Variants in LYPLAL1 observed in about 807,000 individuals in gnomAD.
LYPLAL1 encodes lysophospholipase-like protein 1.
LYPLAL1 carries 23 observed loss-of-function variants against 19.7 expected under a neutral mutation model. The ratio of observed to expected loss-of-function variants is 1.17; its 90% CI spans 0.84 to 1.65. The LOEUF is 1.65. LYPLAL1 is among the 40% of genes most tolerant of loss of function. The pLI, the probability that LYPLAL1 is intolerant of heterozygous loss-of-function variation, is 0.00. For synonymous variants in LYPLAL1, 119 were observed against 96.3 expected (o/e 1.24, Z -1.38); for missense variants, 355 against 279.4 (o/e 1.27, Z -1.93).
At chr1:219,273,393 A>G in the LYPLAL1 span, 6 of 152,332 alleles carry the variant, frequency 3.9e-5, no homozygotes, top group East Asian at 1.2e-3. Flanking sequence ...CAGAACCCTC[A>G]GTGTGATATA....
the LYPLAL1 span, among the ~76,000 whole-genome samples, chr1:219,300,490 G>A: frequency 1.3e-5 from 2 of 151,086 alleles, no homozygotes; most frequent in Non-Finnish European, 2.9e-5. Flanking sequence ...AGGGAAAAAA[G>A]GGGGGACGCT....
intron 3 of LYPLAL1, 97 bp from the exon 4 acceptor site, chr1:219,210,435 G>A: frequency 1.2e-6 from 1 of 838,554 alleles, no homozygotes; most frequent in Non-Finnish European, 1.8e-6. Flanking sequence ...TCTCTTTAAA[G>A]GTCTCCAGAT....
chr1:219,288,728 A>G, the LYPLAL1 span, among the ~76,000 whole-genome samples: 6 of 152,198 alleles, frequency 3.9e-5, no homozygotes, highest in Admixed American at 1.3e-4. Flanking sequence ...GATGTTGACA[A>G]TGGGGAAGGC....
At chr1:219,304,881 T>A in the LYPLAL1 span, among the ~76,000 whole-genome samples, 1 of 152,192 alleles carries the variant, frequency 6.6e-6, no homozygotes, top group South Asian at 2.1e-4. Flanking sequence ...TGGCTTTCAT[T>A]TTTCCTATCG....
the LYPLAL1 span, among the ~76,000 whole-genome samples, chr1:219,344,631 C>T: frequency 6.6e-5 from 10 of 152,154 alleles, no homozygotes; most frequent in African/African-American, 9.7e-5. Context: ...CCACCCTAAC[C>T]GCTCCAGCTC....
intron 3 of LYPLAL1, among the ~76,000 whole-genome samples, chr1:219,206,519 C>T (rs141427217): frequency 2.6e-5 from 4 of 152,052 alleles, no homozygotes; most frequent in Admixed American, 6.6e-5. Flanking sequence ...TTGTCAAAGA[C>T]GGCTAGTGAG....
the LYPLAL1 span, among the ~76,000 whole-genome samples, chr1:219,219,879 CA>C: frequency 6.6e-6 from 1 of 152,092 alleles, no homozygotes; most frequent in Non-Finnish European, 1.5e-5. Flanking sequence ...GCAGGCCTAG[CA>C]GTCAAATTTA....
intron 1 of LYPLAL1, chr1:219,174,248 C>T: frequency 7.3e-7 from 1 of 1,367,682 alleles, no homozygotes; most frequent in Non-Finnish European, 9.5e-7. Flanking sequence ...AGCCCTCCAT[C>T]CCCACAACAC....
chr1:219,430,257 C>G, the LYPLAL1 span, among the ~76,000 whole-genome samples: 2 of 142,378 alleles, frequency 1.4e-5, no homozygotes, highest in African/African-American at 5.6e-5. Flanking sequence ...ATCTTGCACT[C>G]CAACCTGGGT....
the LYPLAL1 span, among the ~76,000 whole-genome samples, chr1:219,284,517 A>T: frequency 6.6e-6 from 1 of 152,342 alleles, no homozygotes; most frequent in Non-Finnish European, 1.5e-5. Flanking sequence ...ATGTACCTAC[A>T]AAAAGTAAAA....
At chr1:219,320,418 A>G in the LYPLAL1 span, among the ~76,000 whole-genome samples, 30 of 152,092 alleles carry the variant, frequency 2.0e-4, no homozygotes, top group Non-Finnish European at 3.5e-4. Flanking sequence ...CCAAGCAAAC[A>G]GTAAGATCCT....
chr1:219,414,185 C>T, the LYPLAL1 span, among the ~76,000 whole-genome samples: 5 of 152,154 alleles, frequency 3.3e-5, no homozygotes, highest in Non-Finnish European at 7.3e-5. Flanking sequence ...CACTGAATTT[C>T]GGTTTGATTG....
At chr1:219,246,522 C>T in the LYPLAL1 span, among the ~76,000 whole-genome samples, 3 of 152,094 alleles carry the variant, frequency 2.0e-5, no homozygotes, top group African/African-American at 7.2e-5. Flanking sequence ...CTGGAGTGGC[C>T]GACACCAGAA....
chr1:219,178,752 T>C (rs1656021292), intron 1 of LYPLAL1, among the ~76,000 whole-genome samples: 2 of 152,308 alleles, frequency 1.3e-5, no homozygotes, highest in East Asian at 1.9e-4. Flanking sequence ...ACAGTCACTT[T>C]AGGAATTTAT....
At chr1:219,336,985 G>T in the LYPLAL1 span, among the ~76,000 whole-genome samples, 1 of 151,930 alleles carries the variant, frequency 6.6e-6, no homozygotes, top group South Asian at 2.1e-4. Context: ...TTTTCTGAAG[G>T]CTCCAGGGGA....
chr1:219,285,644 T>C, the LYPLAL1 span, among the ~76,000 whole-genome samples: 1 of 152,174 alleles, frequency 6.6e-6, no homozygotes, highest in African/African-American at 2.4e-5. Context: ...TATGATTCCA[T>C]TTATGTGAAA....
At chr1:219,424,641 T>A in the LYPLAL1 span, among the ~76,000 whole-genome samples, 4 of 152,086 alleles carry the variant, frequency 2.6e-5, no homozygotes, top group Admixed American at 1.3e-4. Flanking sequence ...AACATCATCA[T>A]CCCTCCATTC....
At chr1:219,176,186 CCTT>C (rs1273987432) in intron 1 of LYPLAL1, among the ~76,000 whole-genome samples, 19 of 152,106 alleles carry the variant, frequency 1.2e-4, no homozygotes, top group Non-Finnish European at 2.1e-4. Context: ...TAAAGACGGA[CCTT>C]CTTTTAAGAT....
chr1:219,178,152 C>T (rs1254350044), intron 1 of LYPLAL1, among the ~76,000 whole-genome samples: 1 of 152,190 alleles, frequency 6.6e-6, no homozygotes, highest in Non-Finnish European at 1.5e-5. Context: ...TCATAAACTT[C>T]CTCTTGCAGA....
Sources: allele counts gnomAD v4.1 joint callset (sites outside exome capture counted in the v4.1 genomes callset), GRCh38; gene constraint gnomAD v4.1.1; transcripts MANE v1.5; gene names NCBI Gene and HGNC (gene_info 2026-07-23, HGNC 2026-07-21).